USP28: variants seen among roughly 807,000 people sequenced by gnomAD.
The protein encoded by USP28 is ubiquitin carboxyl-terminal hydrolase 28.
In USP28, 113 loss-of-function variants were observed where a neutral mutation model predicts 145.0. The ratio of observed to expected loss-of-function variants is 0.78; its 90% CI spans 0.67 to 0.91. The LOEUF is 0.91. USP28 is among the 40% of genes least tolerant of loss of function. The probability of loss-of-function intolerance (pLI) is 0.00; values close to 1 mark genes in which losing one functional copy is unlikely to be tolerated. For missense variants in USP28, 1,201 were observed against 1,289.6 expected (o/e 0.93, Z 1.05); for synonymous variants, 447 against 450.9 (o/e 0.99, Z 0.11).
In USP28 at chr11:113,857,072, C is replaced by A. The variant is rs141345030; in HGVS notation, c.58-2737G>T. On this transcript the variant is annotated intron_variant, in intron 1 of 24. Transcript: ENST00000003302. Reference sequence around the variant, plus strand: ...TCGGTTGAAAACAAAGAAAGGAAAACTGCTGCCACTTGAACTATGACACAA... The same window carrying A: ...TCGGTTGAAAACAAAGAAAGGAAAAATGCTGCCACTTGAACTATGACACAA... Among the ~76,000 whole-genome samples the A allele has an allele frequency of 7.7e-3, 1,170 of 152,282 alleles. 15 individuals are homozygous for A. Among genetic ancestry groups the A allele is most frequent in the African/African-American group, 0.027 (1,130 of 41,548 alleles).
intron 11 of USP28, among the ~76,000 whole-genome samples, chr11:113,824,204 A>G (rs1943033057): frequency 1.3e-5 from 2 of 152,246 alleles, no homozygotes; most frequent in Admixed American, 1.3e-4. Context: ...AAACATGTGC[A>G]AGACCTGTAC....
chr11:113,807,711 C>A (rs1183218439), intron 18 of USP28, among the ~76,000 whole-genome samples: 1 of 152,118 alleles, frequency 6.6e-6, no homozygotes, highest in Non-Finnish European at 1.5e-5. Context: ...CATCTAGACT[C>A]TGCAGTGGCC....
chr11:113,834,485 A>C (rs933592142), intron 5 of USP28, 150 bp from the exon 6 acceptor site: 8 of 569,788 alleles, frequency 1.4e-5, no homozygotes, highest in Non-Finnish European at 2.3e-5. Flanking sequence ...CTAAGGAAAT[A>C]ATGGTTGTGC....
intron 7 of USP28, 46 bp from the exon 8 acceptor site, chr11:113,832,039 GA>G: frequency 6.7e-7 from 1 of 1,497,452 alleles, no homozygotes; most frequent in Non-Finnish European, 9.3e-7. Context: ...GCAATACTAA[GA>G]GAAATTAAAA....
At chr11:113,867,804 GGGGA>G (rs925645497) in intron 1 of USP28, among the ~76,000 whole-genome samples, 2 of 123,678 alleles carry the variant, frequency 1.6e-5, no homozygotes, top group South Asian at 2.5e-4. Context: ...AGAAGGAAGG[GGGGA>G]GGGAGGGAGG....
intron 3 of USP28, among the ~76,000 whole-genome samples, chr11:113,848,972 T>C (rs1362964255): frequency 1.3e-5 from 2 of 152,184 alleles, no homozygotes; most frequent in Non-Finnish European, 2.9e-5. Context: ...GGGCATTTAT[T>C]ACCTTGCTAT....
intron 5 of USP28, among the ~76,000 whole-genome samples, chr11:113,835,952 C>G (rs1049263614): frequency 3.9e-5 from 6 of 152,152 alleles, no homozygotes; most frequent in African/African-American, 1.4e-4. Context: ...TGGTGGCATG[C>G]CTATAGTCCC....
chr11:113,810,149 A>C (rs1940742698), intron 16 of USP28, among the ~76,000 whole-genome samples: 2 of 152,302 alleles, frequency 1.3e-5, no homozygotes, highest in Non-Finnish European at 1.5e-5. Flanking sequence ...ATTTCAAGAT[A>C]AACAGTTTTA....
intron 1 of USP28, chr11:113,874,776 C>A: frequency 8.7e-7 from 1 of 1,150,764 alleles, no homozygotes; most frequent in South Asian, 1.8e-5. Flanking sequence ...ATTCTTAGAT[C>A]AGAAGTCCTT....
intron 7 of USP28, among the ~76,000 whole-genome samples, chr11:113,832,917 C>T (rs1277357113): frequency 2.0e-5 from 3 of 152,106 alleles, no homozygotes; most frequent in Non-Finnish European, 4.4e-5. Context: ...ACTACAGGTG[C>T]GTACCACCAT....
intron 1 of USP28, among the ~76,000 whole-genome samples, chr11:113,865,256 G>C (rs1014632209): frequency 6.6e-6 from 1 of 152,138 alleles, no homozygotes; most frequent in Non-Finnish European, 1.5e-5. Context: ...GGGTTGCGGG[G>C]AACTCTAGTG....
intron 3 of USP28, among the ~76,000 whole-genome samples, chr11:113,850,467 A>C (rs1409375927): frequency 6.6e-6 from 1 of 152,206 alleles, no homozygotes; most frequent in Non-Finnish European, 1.5e-5. Flanking sequence ...TCTCAAAAAG[A>C]ACAATGTTGA....
intron 1 of USP28, among the ~76,000 whole-genome samples, chr11:113,870,223 T>C (rs550578240): frequency 6.6e-6 from 1 of 151,940 alleles, no homozygotes; most frequent in South Asian, 2.1e-4. Context: ...CATAAAAGCA[T>C]AAAATAATAA....
chr11:113,812,595 T>A (rs1941175696), intron 15 of USP28, 91 bp from the exon 16 acceptor site: 1 of 1,129,732 alleles, frequency 8.9e-7, no homozygotes, highest in East Asian at 2.4e-5. Flanking sequence ...TATGATGTGA[T>A]TAATGTGGGG....
chr11:113,867,210 G>A (rs1591504635), intron 1 of USP28, among the ~76,000 whole-genome samples: 1 of 152,112 alleles, frequency 6.6e-6, no homozygotes, highest in Non-Finnish European at 1.5e-5. Flanking sequence ...AGAACTAGAC[G>A]GAATTGGTGA....
chr11:113,831,993 G>T, exon 8 of USP28: 1 of 1,613,490 alleles, frequency 6.2e-7, no homozygotes, highest in South Asian at 1.1e-5. Context: ...CTCACATCTT[G>T]CTATAAGAGA....
At chr11:113,859,530 G>A (rs1455721183) in intron 1 of USP28, 2 of 151,902 alleles carry the variant, frequency 1.3e-5, no homozygotes, top group Admixed American at 6.6e-5. Context: ...CAAATGCTAT[G>A]ACATGACCCA....
rs192835014 is a variant in USP28, at chr11:113,802,541, T to C, written c.2862+617A>G. Among the ~76,000 whole-genome samples the C allele has an allele frequency of 6.1e-4, 93 of 152,272 alleles. 1 individual carries two copies. Among genetic ancestry groups the C allele is most frequent in the East Asian group, 1.7e-3 (9 of 5,172 alleles). On this transcript the variant is annotated intron_variant, in intron 23 of 24. Transcript: ENST00000003302. ...TTTACAGTTCTCCAAAGGACACACA[T>C]CACATAAACCCCTGGGGAGGCAAGG...
At chr11:113,829,080 C>A in intron 10 of USP28, 117 bp downstream of exon 10, 1 of 1,376,882 alleles carries the variant, frequency 7.3e-7, no homozygotes, top group Non-Finnish European at 1.0e-6. Context: ...AAGACAAATT[C>A]AAGTTCTGCT....
Sources: allele counts gnomAD v4.1 joint callset (sites outside exome capture counted in the v4.1 genomes callset), GRCh38; gene constraint gnomAD v4.1.1; transcripts MANE v1.5; gene names NCBI Gene and HGNC (gene_info 2026-07-23, HGNC 2026-07-21).